Variants in CELSR3 observed in about 807,000 individuals in gnomAD.
The protein encoded by CELSR3 is cadherin EGF LAG seven-pass G-type receptor 3.
CELSR3 carries 73 observed loss-of-function variants against 270.0 expected under a neutral mutation model. The ratio of observed to expected loss-of-function variants is 0.27; its 90% CI spans 0.22 to 0.33. The LOEUF (loss-of-function observed/expected upper bound fraction) is 0.33, where lower values mean the gene tolerates loss of function less well. Among genes scored for constraint, CELSR3 ranks in the 10% least tolerant of loss-of-function variants. The probability of loss-of-function intolerance (pLI) is 1.00; values close to 1 mark genes in which losing one functional copy is unlikely to be tolerated. For synonymous variants in CELSR3, 1,780 were observed against 1,905.4 expected (o/e 0.93, Z 1.71); for missense variants, 3,614 against 4,533.8 (o/e 0.80, Z 5.83).
chr3:48,651,528 C>A lies in CELSR3; in HGVS notation c.6065+49G>T, dbSNP rs779520732. On this transcript the variant is annotated intron_variant, in intron 13 of 34. Transcript: ENST00000164024. The surrounding 1 kb of genome is among the most constrained non-coding windows in gnomAD (Gnocchi z 7.4). ...ATGCCTCCACGGTATCCCAGTGACC[C>A]TCCCTGTCCCTGCCAGGTCTCCCCA... The A allele has an allele frequency of 1.9e-6, 3 of 1,602,940 alleles. No homozygotes were observed. In the East Asian group the frequency reaches 6.7e-5, roughly 36 times the overall value.
In CELSR3 at chr3:48,647,937, G is replaced by A. The variant is rs772148469; in HGVS notation, c.7033C>T (p.Arg2345Cys). 7 of 1,612,150 alleles carry A rather than the reference G, an allele frequency of 4.3e-6. No individual in the cohort carries two copies. The Admixed American group carries it at 5.0e-5, about 12-fold the overall frequency. ...CCTCGAAAGAGGTTGCTATGGTAGCGAGGGTAGCGACGGGCCCCCCGGGGA... is the reference window on the plus strand; with the variant it reads ...CCTCGAAAGAGGTTGCTATGGTAGCAAGGGTAGCGACGGGCCCCCCGGGGA... ...SSPRGARRYP[R>C]YHSNLFRGQD... Residue 2345 changes from arginine (R) to cysteine (C), a missense_variant, in exon 20 of 35, where the codon CGC (arginine) becomes TGC (cysteine). Physicochemically the swap from Arg to Cys is radical, Grantham distance 180. Coordinates refer to ENST00000164024, the MANE Select transcript of CELSR3 (RefSeq NM_001407.3).
Position 48,641,809 on chromosome 3 carries a change from G to C in CELSR3, c.8824+42C>G. On this transcript the variant is annotated intron_variant, in intron 32 of 34. Transcript: ENST00000164024. The surrounding 1 kb of genome is among the most constrained non-coding windows in gnomAD (Gnocchi z 4.8). ...GGGGAGCTGGAGGGATAACAAATGG[G>C]GCATCCCTTGGTCACCCAAGGGGTC... is the stretch of plus-strand genomic sequence containing the variant. The C allele has an allele frequency of 7.0e-7, 1 of 1,424,608 alleles. No individual in the cohort carries two copies. Among genetic ancestry groups the C allele is most frequent in the Non-Finnish European group, 9.2e-7 (1 of 1,084,414 alleles). 88.2% of individuals were successfully genotyped at this position (1,424,608 alleles called of 1,614,324 possible). A position where few individuals can be genotyped will look rare whatever the true frequency, so the allele number is the denominator to read the frequency against.
intron 2 of CELSR3, among the ~76,000 whole-genome samples, 153 bp from the exon 3 acceptor site, chr3:48,656,518 C>T (rs1170488289): frequency 6.6e-6 from 1 of 152,256 alleles, no homozygotes; most frequent in Non-Finnish European, 1.5e-5. Context: ...CCCGCCCCCT[C>T]CCCAGTCTCA....
chr3:48,641,883 G>T lies in CELSR3; in HGVS notation c.8792C>A (p.Ala2931Asp), dbSNP rs1220142124. 7 of 1,541,978 alleles carry T rather than the reference G, an allele frequency of 4.5e-6. No individual in the cohort carries two copies. Among genetic ancestry groups the T allele is most frequent in the Non-Finnish European group, 5.2e-6 (6 of 1,145,896 alleles). The change falls in exon 32 of 35, where the codon GCC becomes GAC. Residue 2931 changes from alanine (A) to aspartate (D), a missense_variant. Ala to Asp is a moderately radical substitution (Grantham distance 126). This residue lies in a region of CELSR3 where 1,240 missense variants were observed against 1,351.7 expected (regional missense o/e 0.92). Transcript: ENST00000164024. The surrounding 1 kb of genome is among the most constrained non-coding windows in gnomAD (Gnocchi z 4.8). The part of the protein sequence containing the change: ...GRFQRPLCRA[A>D]QSERLLTHPK... Reference sequence around the variant, plus strand: ...GTGGGTGAGGAGCCTCTCACTCTGGGCTGCTCGGCAGAGTGGCCGTTGGAA... The same window carrying T: ...GTGGGTGAGGAGCCTCTCACTCTGGTCTGCTCGGCAGAGTGGCCGTTGGAA...
In CELSR3 at chr3:48,641,969, C is replaced by T. The variant is rs1559475628; in HGVS notation, c.8706G>A (p.Glu2902=). ...SDSDSDLSLE[E]ERSLSIPSSE... ...AAGATGGAATGGAGAGACTCCTCTC[C>T]TCCTCCAAGGACAGGTCACTGTCAG... Residue 2902 remains glutamate (E), a synonymous_variant, in exon 32 of 35, where the codon GAG becomes GAA. Coordinates refer to ENST00000164024, the MANE Select transcript of CELSR3 (RefSeq NM_001407.3). The surrounding 1 kb of genome is among the most constrained non-coding windows in gnomAD (Gnocchi z 4.8). 22 of 1,587,000 alleles carry T rather than the reference C, an allele frequency of 1.4e-5. No individual in the cohort carries two copies. The highest frequency in any genetic ancestry group is 1.9e-5 in the Non-Finnish European group (22 of 1,170,468).
At position 48,641,234 on chromosome 3, in the gene CELSR3, G is replaced by C; in HGVS notation, c.9025+90C>G. On this transcript the variant is annotated intron_variant, in intron 33 of 34. Transcript: ENST00000164024. This position sits in a 1 kb window ranked among gnomAD's most constrained non-coding sequence, Gnocchi z 4.8. ...TAGGTCAGAGTAAGAAGAGCTCTCA[G>C]TTTGGGATGAGGAAGCTGCAATCCC... is the stretch of plus-strand genomic sequence containing the variant. The C allele has an allele frequency of 1.2e-6, 1 of 862,246 alleles. No individual in the cohort carries two copies. Among genetic ancestry groups the C allele is most frequent in the Non-Finnish European group, 1.9e-6 (1 of 520,320 alleles). The allele number at this position is 862,246 out of a possible 1,614,324, so 53.4% of individuals were successfully genotyped here.
chr3:48,655,808 G>A lies in CELSR3; in HGVS notation c.4669C>T (p.Arg1557Cys). ...QQSGLLFYNG[R>C]LNEKHDFLAL... ...AGGAAGTCGTGCTTCTCGTTCAGGC[G>A]CCCGTTGTAGAAGAGCAGCCCGCTC... Residue 1557 changes from arginine to cysteine, a missense_variant, in exon 4 of 35, where the codon CGC becomes TGC. By Grantham distance (180) the Arg-to-Cys change is radical. Around this residue, in one of 7 missense-constraint regions of CELSR3, gnomAD observed 1,331 missense variants for 1,933.7 expected, o/e 0.69. Transcript: ENST00000164024. The surrounding 1 kb of genome is among the most constrained non-coding windows in gnomAD (Gnocchi z 5.8). 1.3e-6 allele frequency: 2 copies of A among 1,534,660 alleles called. No individual in the cohort carries two copies. Among genetic ancestry groups the A allele is most frequent in the East Asian group, 2.7e-5 (1 of 36,902 alleles).
Position 48,654,207 on chromosome 3 carries a change from G to T in CELSR3, c.5152+82C>A. On this transcript the variant is annotated intron_variant, in intron 7 of 34. Transcript: ENST00000164024. The surrounding 1 kb of genome is among the most constrained non-coding windows in gnomAD (Gnocchi z 5.4). ...GCTTGCCACCAAAGGAGACTGGCTTGAAGTCAGGTATGGAGTCCTCCACTT... is the reference window on the plus strand; with the variant it reads ...GCTTGCCACCAAAGGAGACTGGCTTTAAGTCAGGTATGGAGTCCTCCACTT... 6.4e-7 allele frequency: 1 copy of T among 1,571,170 alleles called. No homozygotes were observed.
At chr3:48,648,112 C>T in intron 19 of CELSR3, 116 bp from the exon 20 acceptor site, 3 of 1,455,860 alleles carry the variant, frequency 2.1e-6, no homozygotes, top group Non-Finnish European at 2.8e-6. Flanking sequence ...TCTGTGCTAC[C>T]AGCTCGGAGC....
chr3:48,650,432 C>CCGGGGGGGGGG lies in CELSR3; in HGVS notation c.6472+47_6472+48insCCCCCCCCCCG. ...AGACATGGCTCTAGCAGTCAGAGTA[C>CCGGGGGGGGGG]AGGCCCACCCCCACCCTCAGTGATG... On this transcript the variant is annotated intron_variant, in intron 16 of 34. Coordinates refer to ENST00000164024, the MANE Select transcript of CELSR3 (RefSeq NM_001407.3). This position sits in a 1 kb window ranked among gnomAD's most constrained non-coding sequence, Gnocchi z 5.1. 1.4e-5 allele frequency: 17 copies of CCGGGGGGGGGG among 1,208,916 alleles called. No homozygotes were observed. The highest frequency in any genetic ancestry group is 5.6e-5 in the East Asian group (2 of 35,582). 74.9% of individuals were successfully genotyped at this position (1,208,916 alleles called of 1,614,324 possible).
Position 48,642,983 on chromosome 3 carries a change from C to G in CELSR3, c.8390G>C (p.Arg2797Thr). The G allele has an allele frequency of 6.2e-7, 1 of 1,612,552 alleles. No individual in the cohort carries two copies. The highest frequency in any genetic ancestry group is 8.5e-7 in the Non-Finnish European group (1 of 1,179,712). Residue 2797 changes from arginine to threonine, a missense_variant, in exon 29 of 35, where the codon AGG (arginine) becomes ACG (threonine). This residue lies in a region of CELSR3 where 1,240 missense variants were observed against 1,351.7 expected (regional missense o/e 0.92). Coordinates refer to ENST00000164024, the MANE Select transcript of CELSR3 (RefSeq NM_001407.3). The surrounding 1 kb of genome is among the most constrained non-coding windows in gnomAD (Gnocchi z 6.1). ...CCGACTCACCAGCCCAGGTGCTGGC[C>G]TTGCCTCCTCAGGCGCTGCCTTCCT... ...LGRKAAPEEA[R>T]PAPGLGPGAY...
At position 48,659,365 on chromosome 3, in the gene CELSR3, A is replaced by C; in HGVS notation, c.3270T>G (p.Thr1090=). The change falls in exon 1 of 35, where the codon ACT becomes ACG. Residue 1090 remains threonine, a synonymous_variant. Transcript: ENST00000164024. This position sits in a 1 kb window ranked among gnomAD's most constrained non-coding sequence, Gnocchi z 8.1. ...SIVGSVVAQI[T]AVDPDEGPNA... is the part of the protein sequence containing the mutation. Reference sequence around the variant, plus strand: ...TGGGGCCTTCGTCAGGGTCCACTGCAGTGATCTGGGCCACCACTGAGCCCA... The same window carrying C: ...TGGGGCCTTCGTCAGGGTCCACTGCCGTGATCTGGGCCACCACTGAGCCCA... The C allele has an allele frequency of 6.2e-7, 1 of 1,614,190 alleles. No individual in the cohort carries two copies. Among genetic ancestry groups the C allele is most frequent in the Non-Finnish European group, 8.5e-7 (1 of 1,180,032 alleles).
chr3:48,649,299 G>T, intron 16 of CELSR3, 84 bp from the exon 17 acceptor site: 1 of 1,113,534 alleles, frequency 9.0e-7, no homozygotes, highest in Non-Finnish European at 1.3e-6. Context: ...CCTATGCTGG[G>T]GGAATCCCTG....
chr3:48,660,209 C>T lies in CELSR3; in HGVS notation c.2426G>A (p.Gly809Asp). The change falls in exon 1 of 35, where the codon GGT (glycine) becomes GAT (aspartate). Residue 809 changes from glycine (G) to aspartate (D), a missense_variant. Gly to Asp is a moderately conservative substitution (Grantham distance 94, BLOSUM62 -1). Transcript: ENST00000164024. The surrounding 1 kb of genome is among the most constrained non-coding windows in gnomAD (Gnocchi z 5.5). ...RNRFAISTQG[G>D]VGLVTLALPL... ...CAGAGCCAGAGTCACCAGACCCACA[C>T]CCCCCTGGGTGCTGATGGCAAAGCG... 6.2e-7 allele frequency: 1 copy of T among 1,614,060 alleles called. No homozygotes were observed. The highest frequency in any genetic ancestry group is 1.1e-5 in the South Asian group (1 of 91,082).
Position 48,653,051 on chromosome 3 carries a change from C to T in CELSR3, c.5585G>A (p.Arg1862Gln), listed in dbSNP as rs377189060. 1.2e-5 allele frequency: 19 copies of T among 1,613,022 alleles called. No homozygotes were observed. The highest frequency in any genetic ancestry group is 5.0e-5 in the Admixed American group (3 of 60,004). Residue 1862 changes from arginine (R) to glutamine (Q), a missense_variant, in exon 10 of 35, where the codon CGG becomes CAG. By Grantham distance (43) the Arg-to-Gln change is conservative. Transcript: ENST00000164024. The surrounding 1 kb of genome is among the most constrained non-coding windows in gnomAD (Gnocchi z 6.5). ...GACCATAAGGACATGGTGGCCCCGCCGGCCACCTGGTTCCTCCTGCAACTC... is the reference window on the plus strand; with the variant it reads ...GACCATAAGGACATGGTGGCCCCGCTGGCCACCTGGTTCCTCCTGCAACTC... Reference protein sequence around the residue: ...RLELQEEPGGRRGHHVLMVSL... With the variant: ...RLELQEEPGGQRGHHVLMVSL...
intron 20 of CELSR3, 44 bp downstream of exon 20, chr3:48,647,797 C>G (rs1456065609): frequency 4.4e-6 from 7 of 1,589,294 alleles, no homozygotes; most frequent in Non-Finnish European, 6.0e-6. Flanking sequence ...GTTGGGGGGA[C>G]AGAGAGACAG....
In CELSR3 at chr3:48,661,822, C is replaced by G; in HGVS notation, c.813G>C (p.Pro271=). ...CCCGGGAGCGCATGCGCTTGGGCGC[C>G]GGCTCGGGAGCTGTCCGAGACTCGC... The part of the protein sequence containing the change: ...APRESRTAPE[P]APKRMRSRGL... The change falls in exon 1 of 35, where the codon CCG becomes CCC. Residue 271 remains proline (P), a synonymous_variant. Transcript: ENST00000164024. The G allele has an allele frequency of 6.2e-7, 1 of 1,609,344 alleles. No homozygotes were observed. Among genetic ancestry groups the G allele is most frequent in the Non-Finnish European group, 8.5e-7 (1 of 1,179,466 alleles).
chr3:48,638,248 G>A lies in CELSR3; in HGVS notation c.9912-16C>T. On this transcript the variant is annotated splice_polypyrimidine_tract_variant and intron_variant, in intron 34 of 34. Transcript: ENST00000164024. ...TCTGGGAACTCTGGAGGCACATGAGGAAATCAGAGGTTGATGCCCAGAGGA... is the reference window on the plus strand; with the variant it reads ...TCTGGGAACTCTGGAGGCACATGAGAAAATCAGAGGTTGATGCCCAGAGGA... The A allele has an allele frequency of 1.2e-6, 2 of 1,609,940 alleles. No individual in the cohort carries two copies. Among genetic ancestry groups the A allele is most frequent in the Non-Finnish European group, 1.7e-6 (2 of 1,176,580 alleles).
At chr3:48,648,238 G>GCCCCCCCCCAAC in intron 19 of CELSR3, 28 bp downstream of exon 19, 2 of 1,342,614 alleles carry the variant, frequency 1.5e-6, no homozygotes, top group Non-Finnish European at 2.1e-6. Flanking sequence ...CCCCTGCTGT[G>GCCCCCCCCCAAC]CCCCGCCCTA....
Sources: gnomAD v4.1 joint callset for allele counts (sites outside exome capture counted in the v4.1 genomes callset) on GRCh38, gnomAD v4.1.1 for gene constraint, gnomAD v4.1.1 regional missense constraint, Gnocchi (gnomAD v3.1) non-coding constraint, MANE v1.5 for transcripts, NCBI Gene and HGNC (gene_info 2026-07-23, HGNC 2026-07-21) for gene names.